TTC28: variants seen among roughly 807,000 people sequenced by gnomAD.
TTC28 encodes tetratricopeptide repeat protein 28.
TTC28 carries 61 observed loss-of-function variants against 198.0 expected under a neutral mutation model. The observed-to-expected ratio is 0.31, with a 90% CI of 0.25 to 0.38. TTC28 has a LOEUF of 0.38. TTC28 is among the 10% of genes least tolerant of loss of function. The pLI is 1.00. For synonymous variants in TTC28, 1,171 were observed against 1,297.8 expected (o/e 0.90, Z 2.10); for missense variants, 2,678 against 3,164.0 (o/e 0.85, Z 3.69).
At chr22:28,551,252 A>C (rs993352269) in intron 2 of TTC28, among the ~76,000 whole-genome samples, 4 of 152,122 alleles carry the variant, frequency 2.6e-5, no homozygotes, top group Non-Finnish European at 5.9e-5. Context: ...TTGTAAACAA[A>C]AAAAAGTCCA....
intron 2 of TTC28, among the ~76,000 whole-genome samples, chr22:28,455,651 C>G (rs1304594834): frequency 6.6e-6 from 1 of 150,884 alleles, no homozygotes; most frequent in East Asian, 2.0e-4. Flanking sequence ...GAGGCAGAGG[C>G]TGCAGTGAGA....
intron 2 of TTC28, among the ~76,000 whole-genome samples, chr22:28,564,622 T>C (rs1259029499): frequency 2.0e-5 from 3 of 151,868 alleles, no homozygotes; most frequent in African/African-American, 7.2e-5. Flanking sequence ...AACAATACTA[T>C]ACAGTGCATT....
At chr22:28,488,187 C>A (rs778440360) in intron 2 of TTC28, among the ~76,000 whole-genome samples, 2 of 152,140 alleles carry the variant, frequency 1.3e-5, no homozygotes, top group Non-Finnish European at 2.9e-5. Context: ...GACCACCAGA[C>A]AGGAGGTTAC....
chr22:28,480,510 T>A (rs2048231423), intron 2 of TTC28, among the ~76,000 whole-genome samples: 2 of 152,232 alleles, frequency 1.3e-5, no homozygotes. Context: ...TTCGTTCTAA[T>A]TCTGTCAAAA....
chr22:28,550,237 C>G (rs1035713780), intron 2 of TTC28, among the ~76,000 whole-genome samples: 2 of 151,938 alleles, frequency 1.3e-5, no homozygotes, highest in African/African-American at 4.8e-5. Flanking sequence ...GGACAGAGAC[C>G]CATAATTTCA....
At chr22:28,528,737 T>TA (rs5844812) in intron 2 of TTC28, among the ~76,000 whole-genome samples, 42,137 of 89,908 alleles carry the variant, frequency 0.47, 8,409 homozygotes, top group East Asian at 0.55. Context: ...CCCTGTCTCA[T>TA]AAAAAAAAAA....
At chr22:28,523,155 T>C (rs575128478) in intron 2 of TTC28, among the ~76,000 whole-genome samples, 2 of 150,626 alleles carry the variant, frequency 1.3e-5, no homozygotes, top group African/African-American at 2.4e-5. Flanking sequence ...AGTGAAAAAA[T>C]AGCAAAAGAT....
At chr22:28,060,253 C>T (rs1259676151) in intron 12 of TTC28, among the ~76,000 whole-genome samples, 1 of 152,140 alleles carries the variant, frequency 6.6e-6, no homozygotes, top group African/African-American at 2.4e-5. Context: ...CCCCATCCCC[C>T]AACCCCACGA....
At chr22:28,205,727 A>G (rs1452979645) in intron 5 of TTC28, among the ~76,000 whole-genome samples, 2 of 152,132 alleles carry the variant, frequency 1.3e-5, no homozygotes, top group Admixed American at 1.3e-4. Context: ...GATTTCTCAG[A>G]TAGGGGAAGG....
chr22:28,615,599 G>A (rs1461333481), intron 2 of TTC28, among the ~76,000 whole-genome samples: 1 of 152,100 alleles, frequency 6.6e-6, no homozygotes, highest in Non-Finnish European at 1.5e-5. Flanking sequence ...TATACACCAT[G>A]GAATACTACA....
intron 12 of TTC28, among the ~76,000 whole-genome samples, chr22:28,062,928 A>C (rs1338759370): frequency 6.6e-6 from 1 of 152,178 alleles, no homozygotes; most frequent in Admixed American, 6.6e-5. Flanking sequence ...TTAAAAATGA[A>C]TCACATTTTC....
chr22:28,362,322 C>A (rs988514146), intron 2 of TTC28, among the ~76,000 whole-genome samples: 1 of 152,142 alleles, frequency 6.6e-6, no homozygotes, highest in African/African-American at 2.4e-5. Context: ...CTGCTGTCAT[C>A]CGTGTAAGAT....
chr22:28,012,700 C>T (rs1433130707), intron 14 of TTC28, among the ~76,000 whole-genome samples: 5 of 152,038 alleles, frequency 3.3e-5, no homozygotes, highest in South Asian at 2.1e-4. Context: ...TTTGTAGAGA[C>T]GAGGTCTCAC....
At chr22:28,124,468 G>C (rs1942868299) in intron 6 of TTC28, among the ~76,000 whole-genome samples, 1 of 152,066 alleles carries the variant, frequency 6.6e-6, no homozygotes, top group Non-Finnish European at 1.5e-5. Flanking sequence ...CACTATTCTA[G>C]GCATTTTACA....
chr22:28,675,379 A>G (rs1311302717), intron 1 of TTC28, among the ~76,000 whole-genome samples: 2 of 152,178 alleles, frequency 1.3e-5, no homozygotes, highest in Non-Finnish European at 2.9e-5. Context: ...ACATGAAACC[A>G]AAATCATGAG....
chr22:27,990,923 AC>A, intron 19 of TTC28, 111 bp from the exon 20 acceptor site: 1 of 1,109,712 alleles, frequency 9.0e-7, no homozygotes, highest in Non-Finnish European at 1.3e-6. Flanking sequence ...GAAGCGCCAC[AC>A]CAGGCCCGCG....
chr22:28,544,033 C>A (rs1045618383), intron 2 of TTC28, among the ~76,000 whole-genome samples: 8 of 152,070 alleles, frequency 5.3e-5, no homozygotes, highest in Non-Finnish European at 1.2e-4. Flanking sequence ...CCAGCCTGGC[C>A]AACCTGGTGA....
intron 2 of TTC28, among the ~76,000 whole-genome samples, chr22:28,544,607 A>G: frequency 6.6e-6 from 1 of 152,146 alleles, no homozygotes. Flanking sequence ...TAGTCACAGG[A>G]TGAGATAGGA....
intron 2 of TTC28, among the ~76,000 whole-genome samples, chr22:28,456,970 T>G (rs2047871757): frequency 6.6e-6 from 1 of 152,222 alleles, no homozygotes; most frequent in Admixed American, 6.5e-5. Context: ...CATAAAAAGT[T>G]GAGAAAACAG....
Sources: gnomAD v4.1 joint callset for allele counts (sites outside exome capture counted in the v4.1 genomes callset) on GRCh38, gnomAD v4.1.1 for gene constraint, MANE v1.5 for transcripts, NCBI Gene and HGNC (gene_info 2026-07-23, HGNC 2026-07-21) for gene names.